MAGI1: variants seen among roughly 807,000 people sequenced by gnomAD.
MAGI1 encodes membrane associated guanylate kinase, WW and PDZ domain containing 1.
In MAGI1, 58 loss-of-function variants were observed where a neutral mutation model predicts 139.9. The ratio of observed to expected loss-of-function variants is 0.41; its 90% confidence interval spans 0.34 to 0.52. MAGI1 has a LOEUF of 0.52. Ranked by LOEUF, MAGI1 falls within the 20% of genes least tolerant of loss-of-function variation. MAGI1 has a pLI of 0.12. For synonymous variants in MAGI1, 812 were observed against 737.9 expected (o/e 1.10, Z -1.63); for missense variants, 1,874 against 1,901.6 (o/e 0.99, Z 0.27).
At chr3:65,977,872 C>T (rs991425349) in intron 1 of MAGI1, among the ~76,000 whole-genome samples, 1 of 152,172 alleles carries the variant, frequency 6.6e-6, no homozygotes, top group Non-Finnish European at 1.5e-5. Flanking sequence ...ATTGTTGGCA[C>T]TGCTCCCTCT....
intron 7 of MAGI1, among the ~76,000 whole-genome samples, chr3:65,447,477 A>T (rs1057126598): frequency 1.3e-5 from 2 of 152,218 alleles, no homozygotes; most frequent in Non-Finnish European, 2.9e-5. Flanking sequence ...CTACAATGGC[A>T]AGGTCAACAA....
chr3:65,977,433 G>A (rs576520035), intron 1 of MAGI1, among the ~76,000 whole-genome samples: 31 of 152,132 alleles, frequency 2.0e-4, no homozygotes, highest in Admixed American at 7.9e-4. Context: ...AAACTCGGCC[G>A]GGCGCGGTGG....
rs371554485 is a variant in MAGI1 at position 65,367,023 on chromosome 3, C to G, written c.3197-2077G>C. ...AAATAGGACAAACAAGCTGTATAGCCCATCGCTGTGACTCTCCAGAACTTT... is the reference window on the plus strand; with the variant it reads ...AAATAGGACAAACAAGCTGTATAGCGCATCGCTGTGACTCTCCAGAACTTT... On this transcript the variant is annotated intron_variant, in intron 18 of 22. Transcript: ENST00000402939. 3.3e-5 allele frequency among the ~76,000 whole-genome samples: 5 copies of G among 152,232 alleles called. No individual in the cohort carries two copies. The East Asian group carries it at 7.7e-4, about 24-fold the overall frequency.
At chr3:65,921,823 C>T (rs966360866) in intron 1 of MAGI1, among the ~76,000 whole-genome samples, 1 of 151,516 alleles carries the variant, frequency 6.6e-6, no homozygotes, top group Non-Finnish European at 1.5e-5. Context: ...GAAAGTTAGC[C>T]TGAGCCCAGG....
At chr3:65,642,465 C>G (rs2085033532) in intron 1 of MAGI1, among the ~76,000 whole-genome samples, 1 of 152,154 alleles carries the variant, frequency 6.6e-6, no homozygotes, top group South Asian at 2.1e-4. Context: ...TTAAGGCTAG[C>G]AGAAAACCAT....
At chr3:65,916,421 T>C (rs976341354) in intron 1 of MAGI1, among the ~76,000 whole-genome samples, 1 of 152,204 alleles carries the variant, frequency 6.6e-6, no homozygotes, top group Non-Finnish European at 1.5e-5. Flanking sequence ...CAGTTCCATG[T>C]GGCTGGGGAG....
intron 12 of MAGI1, among the ~76,000 whole-genome samples, chr3:65,409,156 G>T (rs1218958610): frequency 3.3e-5 from 5 of 152,232 alleles, no homozygotes; most frequent in Non-Finnish European, 7.3e-5. Flanking sequence ...TCTGCCATAT[G>T]CCTAGCAAAG....
At chr3:65,892,330 G>A (rs574436273) in intron 1 of MAGI1, among the ~76,000 whole-genome samples, 5 of 152,116 alleles carry the variant, frequency 3.3e-5, no homozygotes, top group East Asian at 1.9e-4. Flanking sequence ...AGTTATGATC[G>A]TCTATATTTC....
chr3:65,704,261 C>T (rs1027995305), intron 1 of MAGI1, among the ~76,000 whole-genome samples: 1 of 152,186 alleles, frequency 6.6e-6, no homozygotes, highest in African/African-American at 2.4e-5. Flanking sequence ...CTCTGTCCTC[C>T]TTAGGAGACA....
At chr3:65,742,919 G>T (rs184870952) in intron 1 of MAGI1, among the ~76,000 whole-genome samples, 203 of 152,230 alleles carry the variant, frequency 1.3e-3, no homozygotes, top group African/African-American at 4.8e-3. Context: ...AACAAACCCT[G>T]AAACATCTGT....
At chr3:65,673,738 C>T (rs961704491) in intron 1 of MAGI1, among the ~76,000 whole-genome samples, 4 of 152,154 alleles carry the variant, frequency 2.6e-5, no homozygotes, top group African/African-American at 7.2e-5. Flanking sequence ...GTGAGCCCTG[C>T]GTGCACATTC....
At chr3:65,369,398 T>C (rs921723305) in intron 18 of MAGI1, among the ~76,000 whole-genome samples, 2 of 152,080 alleles carry the variant, frequency 1.3e-5, no homozygotes, top group Non-Finnish European at 2.9e-5. Flanking sequence ...TTAGATAGCA[T>C]GAACTAGACA....
intron 1 of MAGI1, among the ~76,000 whole-genome samples, chr3:65,911,109 C>T (rs559930359): frequency 3.3e-5 from 5 of 151,566 alleles, no homozygotes; most frequent in East Asian, 3.9e-4. Flanking sequence ...CCGCCTGCCT[C>T]GGCCTCCCAA....
intron 2 of MAGI1, among the ~76,000 whole-genome samples, chr3:65,511,740 G>A (rs946176362): frequency 6.7e-6 from 1 of 150,028 alleles, no homozygotes; most frequent in Non-Finnish European, 1.5e-5. Flanking sequence ...ACATTAGACA[G>A]ATCAACGACA....
At chr3:65,645,726 AC>A (rs1269437127) in intron 1 of MAGI1, among the ~76,000 whole-genome samples, 2 of 152,148 alleles carry the variant, frequency 1.3e-5, no homozygotes, top group Admixed American at 1.3e-4. Context: ...AATATTTCAG[AC>A]AATGATATTA....
intron 12 of MAGI1, among the ~76,000 whole-genome samples, chr3:65,428,231 C>T (rs1201571940): frequency 1.3e-5 from 2 of 152,112 alleles, no homozygotes; most frequent in African/African-American, 2.4e-5. Context: ...TTTCAAAAGG[C>T]CTGAATATGT....
intron 2 of MAGI1, among the ~76,000 whole-genome samples, chr3:65,586,704 C>T (rs2081700980): frequency 6.6e-6 from 1 of 151,982 alleles, no homozygotes; most frequent in South Asian, 2.1e-4. Context: ...CCATCCCAAA[C>T]TACAAGACGT....
At chr3:65,694,664 G>A (rs2107581629) in intron 1 of MAGI1, among the ~76,000 whole-genome samples, 1 of 152,342 alleles carries the variant, frequency 6.6e-6, no homozygotes. Context: ...CAGCTACAAT[G>A]TGCTGCAAAT....
chr3:65,619,009 TAGAAATAATAAAAGTTCTTGAATAA>T (rs2083522950), intron 2 of MAGI1, among the ~76,000 whole-genome samples: 1 of 152,168 alleles, frequency 6.6e-6, no homozygotes, highest in Non-Finnish European at 1.5e-5. Flanking sequence ...CTTCTTACTG[TAGAAATAATAAAAGTTCTTGAATAA>T]AGGGAAGATA....
Sources: gnomAD v4.1 joint callset for allele counts (sites outside exome capture counted in the v4.1 genomes callset) on GRCh38, gnomAD v4.1.1 for gene constraint, MANE v1.5 for transcripts, NCBI Gene and HGNC (gene_info 2026-07-23, HGNC 2026-07-21) for gene names.